Variants in TOX observed in about 807,000 individuals in gnomAD.
TOX encodes thymocyte selection-associated high mobility group box protein TOX.
Under a neutral mutation model 53.7 loss-of-function variants are expected in TOX, and 11 were observed. The ratio of observed to expected loss-of-function variants is 0.20; its 90% confidence interval spans 0.13 to 0.34. The LOEUF is 0.34. TOX is among the 10% of genes least tolerant of loss of function. The probability of loss-of-function intolerance (pLI) is 1.00; values close to 1 mark genes in which losing one functional copy is unlikely to be tolerated. For missense variants in TOX, 570 were observed against 664.6 expected (o/e 0.86, Z 1.56); for synonymous variants, 225 against 245.3 (o/e 0.92, Z 0.77).
At chr8:58,808,004 T>C in intron 8 of TOX, 114 bp downstream of exon 8, 2 of 1,436,084 alleles carry the variant, frequency 1.4e-6, no homozygotes, top group Non-Finnish European at 1.9e-6. Flanking sequence ...TCTGCCTTCA[T>C]GAACGTGAAA....
intron 3 of TOX, among the ~76,000 whole-genome samples, chr8:58,898,662 T>G (rs1020445334): frequency 2.0e-5 from 3 of 152,136 alleles, no homozygotes; most frequent in Non-Finnish European, 2.9e-5. Context: ...TTTGCTTGAG[T>G]CCAAGTTGTC....
At chr8:58,977,272 G>A (rs1174777231) in intron 1 of TOX, among the ~76,000 whole-genome samples, 1 of 152,172 alleles carries the variant, frequency 6.6e-6, no homozygotes, top group Non-Finnish European at 1.5e-5. Flanking sequence ...TAATACTCAT[G>A]AACCAACCTC....
At chr8:58,862,524 T>G in intron 3 of TOX, among the ~76,000 whole-genome samples, 1 of 152,108 alleles carries the variant, frequency 6.6e-6, no homozygotes, top group South Asian at 2.1e-4. Flanking sequence ...CCAATAAATT[T>G]CATTATAAAA....
intron 3 of TOX, among the ~76,000 whole-genome samples, chr8:58,920,707 TA>T (rs56112630): frequency 0.58 from 41,834 of 71,568 alleles, 9,460 homozygotes; most frequent in Non-Finnish European, 0.61. Context: ...TAAAGTATAA[TA>T]AAAAAAAAAC....
Position 58,826,892 on chromosome 8 carries a change from T to C in TOX, c.935A>G (p.Lys312Arg). Residue 312 changes from lysine (K) to arginine (R), a missense_variant, in exon 6 of 9, where the codon AAG becomes AGG. Transcript: ENST00000361421. Reference sequence around the variant, plus strand: ...CTCCTTCTTCGCAGCCTCGGTTTTCTTTTTATAGACCTGCAACAACAGCAA... The same window carrying C: ...CTCCTTCTTCGCAGCCTCGGTTTTCCTTTTATAGACCTGCAACAACAGCAA... The part of the protein sequence containing the change: ...LGEEQKQVYK[K>R]KTEAAKKEYL... 6.2e-7 allele frequency: 1 copy of C among 1,611,464 alleles called. No homozygotes were observed. Among genetic ancestry groups the C allele is most frequent in the Non-Finnish European group, 8.5e-7 (1 of 1,178,878 alleles).
chr8:58,948,312 T>C lies in TOX; in HGVS notation c.169-8768A>G, dbSNP rs538411732. ...CATACTTCCAGGAAAGTCCTTAGTG[T>C]TTACATGCAGGGCTTTCTCCCGCCA... On this transcript the variant is annotated intron_variant, in intron 2 of 8. Transcript: ENST00000361421. Among the ~76,000 whole-genome samples the C allele has an allele frequency of 3.3e-5, 5 of 152,274 alleles. No homozygotes were observed. In the South Asian group the frequency reaches 1.0e-3, roughly 32 times the overall value.
intron 2 of TOX, among the ~76,000 whole-genome samples, chr8:58,944,315 T>A (rs185007766): frequency 6.6e-6 from 1 of 152,344 alleles, no homozygotes; most frequent in African/African-American, 2.4e-5. Context: ...AAGGGAACTG[T>A]TGGGAGCATT....
intron 1 of TOX, among the ~76,000 whole-genome samples, chr8:58,987,355 C>T (rs11779216): frequency 0.083 from 12,636 of 152,162 alleles, 658 homozygotes; most frequent in Middle Eastern, 0.17. Context: ...ACAACAGATG[C>T]CACTCCCTCA....
intron 3 of TOX, among the ~76,000 whole-genome samples, chr8:58,919,064 A>G (rs1812028145): frequency 6.8e-6 from 1 of 147,936 alleles, no homozygotes; most frequent in Non-Finnish European, 1.5e-5. Context: ...GAGGACACAA[A>G]CAAATGGAAG....
intron 1 of TOX, among the ~76,000 whole-genome samples, chr8:59,046,686 C>T (rs62504550): frequency 0.013 from 1,907 of 151,640 alleles, 24 homozygotes; most frequent in Non-Finnish European, 0.016. Context: ...GGTGAAACTC[C>T]ACCTCTACTA....
intron 1 of TOX, among the ~76,000 whole-genome samples, chr8:59,021,844 T>C (rs1165860552): frequency 6.6e-6 from 1 of 152,110 alleles, no homozygotes; most frequent in Non-Finnish European, 1.5e-5. Context: ...TCCTGAAACT[T>C]TCTATTAAAT....
At chr8:59,115,499 A>G (rs1288018170) in intron 1 of TOX, among the ~76,000 whole-genome samples, 1 of 152,222 alleles carries the variant, frequency 6.6e-6, no homozygotes, top group East Asian at 1.9e-4. Context: ...CAGAACTCCA[A>G]TTGTAAGCTC....
chr8:58,808,290 G>A (rs377116780), intron 7 of TOX, 21 bp from the exon 8 acceptor site: 107 of 1,591,206 alleles, frequency 6.7e-5, no homozygotes, highest in African/African-American at 1.1e-4. Flanking sequence ...AAGCAAGTCC[G>A]CAAATAAGGA....
chr8:58,927,202 A>T (rs1812177923), intron 3 of TOX, among the ~76,000 whole-genome samples: 1 of 152,130 alleles, frequency 6.6e-6, no homozygotes, highest in Non-Finnish European at 1.5e-5. Context: ...TATTTCAGCA[A>T]TGTAAAAATA....
chr8:58,964,168 C>T (rs1017347477), intron 1 of TOX, among the ~76,000 whole-genome samples: 1 of 152,090 alleles, frequency 6.6e-6, no homozygotes, highest in Non-Finnish European at 1.5e-5. Flanking sequence ...TCAGTTCTTC[C>T]TCAGGATTTT....
chr8:58,846,200 G>A (rs1156285915), intron 4 of TOX, among the ~76,000 whole-genome samples: 1 of 151,744 alleles, frequency 6.6e-6, no homozygotes, highest in Admixed American at 6.6e-5. Context: ...TAGTTTATTA[G>A]GCTCAGCCTT....
At chr8:58,977,884 T>C (rs1416738561) in intron 1 of TOX, among the ~76,000 whole-genome samples, 2 of 152,136 alleles carry the variant, frequency 1.3e-5, no homozygotes, top group Non-Finnish European at 2.9e-5. Flanking sequence ...CCATGACAGA[T>C]ATAATAATAA....
In TOX at chr8:58,851,809, C is replaced by CAATA. The variant is rs3837195; in HGVS notation, c.412-8_412-5dup. ...CTGGGTTTCGTATATCTGGCATCTA[C>CAATA]AATAAATAAATAAATAAATAAATAA... On this transcript the variant is annotated splice_polypyrimidine_tract_variant and splice_region_variant and intron_variant, in intron 3 of 8. Coordinates refer to ENST00000361421, the MANE Select transcript of TOX (RefSeq NM_014729.3). This position sits in a 1 kb window ranked among gnomAD's most constrained non-coding sequence, Gnocchi z 4.4. The CAATA allele has an allele frequency of 0.021, 25,371 of 1,206,644 alleles. 232 individuals are homozygous for CAATA. The highest frequency in any genetic ancestry group is 0.034 in the East Asian group (1,173 of 34,664). The allele number at this position is 1,206,644 out of a possible 1,614,324, so 74.7% of individuals were successfully genotyped here. A position where few individuals can be genotyped will look rare whatever the true frequency, so the allele number is the denominator to read the frequency against.
chr8:58,903,749 G>A (rs1297275122), intron 3 of TOX, among the ~76,000 whole-genome samples: 1 of 152,140 alleles, frequency 6.6e-6, no homozygotes, highest in African/African-American at 2.4e-5. Flanking sequence ...TCCTTTGAGG[G>A]AGAAAACTGA....
Sources: allele counts gnomAD v4.1 joint callset (sites outside exome capture counted in the v4.1 genomes callset), GRCh38; gene constraint gnomAD v4.1.1; non-coding constraint Gnocchi (gnomAD v3.1); transcripts MANE v1.5; gene names NCBI Gene and HGNC (gene_info 2026-07-23, HGNC 2026-07-21).